The following FRY variants were observed in gnomAD, a reference collection of about 807,000 sequenced individuals.
FRY encodes the protein protein furry homolog.
In FRY, 128 loss-of-function variants were observed where a neutral mutation model predicts 348.4. The ratio of observed to expected loss-of-function variants is 0.37; its 90% CI spans 0.32 to 0.43. The LOEUF (loss-of-function observed/expected upper bound fraction) is 0.43. Among genes scored for constraint, FRY ranks in the 20% least tolerant of loss-of-function variants. The probability of loss-of-function intolerance (pLI) is 1.00; values close to 1 mark genes in which losing one functional copy is unlikely to be tolerated. For missense variants in FRY, 2,736 were observed against 3,695.2 expected, an observed-to-expected ratio of 0.74 and a Z score of 6.73; for synonymous variants, 1,370 against 1,374.7, an observed-to-expected ratio of 1.00 and a Z score of 0.08.
chr13:32,278,193 C>G (rs1465600700), intron 57 of FRY, among the ~76,000 whole-genome samples: 2 of 152,142 alleles, frequency 1.3e-5, no homozygotes, highest in Non-Finnish European at 2.9e-5. Context: ...AAATTAGAAA[C>G]AGTGTGGTGA....
rs1414690479 is a variant in FRY, at chr13:32,124,846, A to C, written c.687A>C (p.Ala229=). ...TGCATATTGTGGCAGACCTGTATGCAGAAGTCATTGGAGTGTTGGCACAAG... is the reference window on the plus strand; with the variant it reads ...TGCATATTGTGGCAGACCTGTATGCCGAAGTCATTGGAGTGTTGGCACAAG... ...GNMHIVADLY[A]EVIGVLAQAK... The change falls in exon 7 of 61, where the codon GCA becomes GCC. Residue 229 remains alanine (A), a synonymous_variant. Transcript: ENST00000542859. 2 of 1,613,228 alleles carry C rather than the reference A, an allele frequency of 1.2e-6. No individual in the cohort carries two copies. Among genetic ancestry groups the C allele is most frequent in the Non-Finnish European group, 1.7e-6 (2 of 1,179,108 alleles).
intron 2 of FRY, among the ~76,000 whole-genome samples, chr13:32,099,275 T>A (rs2138622901): frequency 6.7e-6 from 1 of 149,286 alleles, no homozygotes; most frequent in South Asian, 2.1e-4. Context: ...TGTATATATG[T>A]ATATATATAC....
intron 26 of FRY, 109 bp from the exon 27 acceptor site, chr13:32,186,151 T>G: frequency 1.2e-6 from 1 of 866,100 alleles, no homozygotes. Context: ...TAAAGAAAAC[T>G]GTAGTTAAAA....
rs571720605 is a variant in FRY at position 32,272,136 on chromosome 13, C to A, written c.8137-2706C>A. 7.2e-5 allele frequency among the ~76,000 whole-genome samples: 11 copies of A among 152,284 alleles called. No homozygotes were observed. In the South Asian group the frequency reaches 2.1e-3, roughly 29 times the overall value. On this transcript the variant is annotated intron_variant, in intron 55 of 60. Coordinates refer to ENST00000542859, the MANE Select transcript of FRY (RefSeq NM_023037.3). Reference sequence around the variant, plus strand: ...AATACTTGAAGCAAAATAGGCATTACTAAAATATGCTGGAAATGAAATACA... The same window carrying A: ...AATACTTGAAGCAAAATAGGCATTAATAAAATATGCTGGAAATGAAATACA...
chr13:32,216,355 A>G (rs1884986796), intron 35 of FRY, among the ~76,000 whole-genome samples: 1 of 152,194 alleles, frequency 6.6e-6, no homozygotes, highest in South Asian at 2.1e-4. Flanking sequence ...CTGTGGCTTC[A>G]GTCTTCTCCA....
intron 54 of FRY, among the ~76,000 whole-genome samples, chr13:32,266,325 A>G (rs1434482155): frequency 6.6e-6 from 1 of 152,176 alleles, no homozygotes; most frequent in East Asian, 1.9e-4. Flanking sequence ...TTGACCTTTC[A>G]TTTTTATTCA....
chr13:32,212,301 C>A lies in FRY; in HGVS notation c.4601C>A (p.Ser1534Tyr), dbSNP rs763954287. The A allele has an allele frequency of 4.4e-6, 7 of 1,602,214 alleles. No individual in the cohort carries two copies. The highest frequency in any genetic ancestry group is 6.0e-6 in the Non-Finnish European group (7 of 1,170,180). The change falls in exon 35 of 61, where the codon TCT (serine) becomes TAT (tyrosine). Residue 1534 changes from serine to tyrosine, a missense_variant. This residue lies in a region of FRY where 794 missense variants were observed against 977.0 expected (regional missense o/e 0.81). Transcript: ENST00000542859. Reference sequence around the variant, plus strand: ...CCATTCCCATCTACAGGAACCACCTCTAGCAGCAATACAGTGGTTGCTGGC... The same window carrying A: ...CCATTCCCATCTACAGGAACCACCTATAGCAGCAATACAGTGGTTGCTGGC... ...KASAAASGTT[S>Y]SSNTVVAGQE...
chr13:32,073,464 CACTT>C (rs1472759334), intron 1 of FRY, among the ~76,000 whole-genome samples: 1 of 152,100 alleles, frequency 6.6e-6, no homozygotes, highest in Non-Finnish European at 1.5e-5. Context: ...TCCCTCTAGC[CACTT>C]ACTCTGTTTA....
chr13:32,077,235 T>C (rs1034204698), intron 1 of FRY, among the ~76,000 whole-genome samples: 4 of 152,162 alleles, frequency 2.6e-5, no homozygotes, highest in African/African-American at 4.8e-5. Flanking sequence ...TGGATGATGG[T>C]AATTGAGAGC....
intron 51 of FRY, among the ~76,000 whole-genome samples, chr13:32,260,889 G>C (rs1887602024): frequency 6.6e-6 from 1 of 152,220 alleles, no homozygotes; most frequent in African/African-American, 2.4e-5. Flanking sequence ...CCAGCACTTT[G>C]GGAGGCCGAG....
intron 51 of FRY, chr13:32,261,385 A>C (rs904036716): frequency 8.5e-6 from 6 of 709,910 alleles, no homozygotes; most frequent in Non-Finnish European, 1.3e-5. Flanking sequence ...CACCATGCCA[A>C]AGAAAAGTAT....
At chr13:32,270,775 C>T (rs1249590954) in intron 55 of FRY, among the ~76,000 whole-genome samples, 5 of 152,228 alleles carry the variant, frequency 3.3e-5, no homozygotes, top group South Asian at 4.1e-4. Context: ...TACTTGCATC[C>T]GTTACACTTG....
intron 1 of FRY, among the ~76,000 whole-genome samples, chr13:32,068,729 G>T (rs188929895): frequency 6.6e-6 from 1 of 152,288 alleles, no homozygotes; most frequent in African/African-American, 2.4e-5. Context: ...GGTTTTGAGA[G>T]AACATAGACT....
At chr13:32,206,308 T>C (rs1486217278) in intron 31 of FRY, among the ~76,000 whole-genome samples, 1 of 152,084 alleles carries the variant, frequency 6.6e-6, no homozygotes, top group Non-Finnish European at 1.5e-5. Context: ...AAGGGTTTCA[T>C]GGAAACATAA....
rs770355589 is a variant in FRY at position 32,225,868 on chromosome 13, C to A, written c.5100C>A (p.Asn1700Lys). Residue 1700 changes from asparagine to lysine, a missense_variant, in exon 39 of 61, where the codon AAC becomes AAA. Asn to Lys is a moderately conservative substitution (Grantham distance 94). Transcript: ENST00000542859. ...ACCTCTTGATTGCCCTCTCTTGCAA[C>A]AGCAATTTCCATTCCATTGCTTCCG... is the stretch of plus-strand genomic sequence containing the variant. ...LLHLLIALSC[N>K]SNFHSIASVL... 6.2e-7 allele frequency: 1 copy of A among 1,613,722 alleles called. No homozygotes were observed.
At chr13:32,034,711 C>T (rs1355602676) in intron 1 of FRY, among the ~76,000 whole-genome samples, 2 of 152,202 alleles carry the variant, frequency 1.3e-5, no homozygotes, top group Non-Finnish European at 2.9e-5. Context: ...GGCTGCTCCC[C>T]AGCTCCCTTT....
At chr13:32,102,071 G>A in intron 3 of FRY, 55 bp downstream of exon 3, 1 of 980,882 alleles carries the variant, frequency 1.0e-6, no homozygotes, top group Non-Finnish European at 1.7e-6. Flanking sequence ...ATTCACGCAA[G>A]GCAAGGTCTG....
intron 19 of FRY, among the ~76,000 whole-genome samples, chr13:32,174,092 C>G (rs1226433283): frequency 6.6e-6 from 1 of 152,224 alleles, no homozygotes; most frequent in Non-Finnish European, 1.5e-5. Context: ...ACACCTTGTT[C>G]AGAGAAAACA....
intron 17 of FRY, 70 bp downstream of exon 17, chr13:32,161,321 A>T: frequency 1.0e-6 from 1 of 963,786 alleles, no homozygotes; most frequent in South Asian, 1.3e-5. Context: ...AAAAAATAGA[A>T]TGGTAGTTTA....
Sources: allele counts gnomAD v4.1 joint callset (sites outside exome capture counted in the v4.1 genomes callset), GRCh38; gene constraint gnomAD v4.1.1; regional missense constraint gnomAD v4.1.1; transcripts MANE v1.5; gene names NCBI Gene and HGNC (gene_info 2026-07-23, HGNC 2026-07-21).